Variants in EBF1 observed in about 807,000 individuals in gnomAD.
EBF1 encodes the protein transcription factor COE1.
In EBF1, 10 loss-of-function variants were observed where a neutral mutation model predicts 68.4. That is an observed-to-expected ratio of 0.15 (90% confidence interval 0.09 to 0.25). The LOEUF is 0.25. EBF1 is among the 10% of genes least tolerant of loss of function. EBF1 has a pLI of 1.00. For missense variants in EBF1, 509 were observed against 794.4 expected (o/e 0.64, Z 4.32); for synonymous variants, 298 against 299.8 (o/e 0.99, Z 0.06).
chr5:159,074,428 G>A (rs1410938566), intron 5 of EBF1, among the ~76,000 whole-genome samples: 2 of 152,166 alleles, frequency 1.3e-5, no homozygotes, highest in African/African-American at 2.4e-5. Context: ...GGGGAGGGAG[G>A]TCCTCCAAAA....
At chr5:159,025,337 GAA>G (rs1767494316) in intron 6 of EBF1, among the ~76,000 whole-genome samples, 1 of 152,210 alleles carries the variant, frequency 6.6e-6, no homozygotes, top group Non-Finnish European at 1.5e-5. Context: ...CTTCCAGAGA[GAA>G]AAGGGGGCTG....
At chr5:158,711,631 A>G (rs2127485997) in intron 14 of EBF1, among the ~76,000 whole-genome samples, 1 of 152,226 alleles carries the variant, frequency 6.6e-6, no homozygotes, top group East Asian at 1.9e-4. Context: ...TAAGTAGATG[A>G]CAAATATGGT....
intron 9 of EBF1, among the ~76,000 whole-genome samples, chr5:158,794,177 C>T (rs1311509118): frequency 6.6e-6 from 1 of 152,146 alleles, no homozygotes; most frequent in Non-Finnish European, 1.5e-5. Flanking sequence ...ATGCATCCTC[C>T]ACCCTCAGCT....
chr5:158,785,313 A>G (rs1366960679), intron 9 of EBF1, among the ~76,000 whole-genome samples: 1 of 152,196 alleles, frequency 6.6e-6, no homozygotes, highest in East Asian at 1.9e-4. Flanking sequence ...CATTTAAAAT[A>G]TATTATTTTC....
chr5:158,733,787 G>A (rs1028927554), intron 10 of EBF1, among the ~76,000 whole-genome samples: 9 of 152,156 alleles, frequency 5.9e-5, no homozygotes, highest in Admixed American at 2.0e-4. Flanking sequence ...CAATGGAATC[G>A]TCCAGTGCTG....
At chr5:158,707,710 C>T (rs938009999) in intron 15 of EBF1, 1 of 454,960 alleles carries the variant, frequency 2.2e-6, no homozygotes, top group African/African-American at 1.9e-5. Context: ...AAACAGTATT[C>T]CCAAGCAAAT....
chr5:158,728,534 T>A (rs1763447758), intron 11 of EBF1, among the ~76,000 whole-genome samples: 1 of 152,204 alleles, frequency 6.6e-6, no homozygotes, highest in African/African-American at 2.4e-5. Context: ...CTGTCTGGTT[T>A]CCGTAGACCT....
intron 6 of EBF1, among the ~76,000 whole-genome samples, chr5:158,860,775 G>A (rs576741482): frequency 2.0e-5 from 3 of 152,104 alleles, no homozygotes; most frequent in Non-Finnish European, 4.4e-5. Flanking sequence ...GGCGCATCTT[G>A]CGTCTCTGTT....
At chr5:158,852,618 T>C (rs1488951424) in intron 6 of EBF1, among the ~76,000 whole-genome samples, 1 of 152,244 alleles carries the variant, frequency 6.6e-6, no homozygotes, top group Non-Finnish European at 1.5e-5. Flanking sequence ...TATTCTAGTC[T>C]ATATTATAGA....
At chr5:158,905,459 C>T (rs746357495) in intron 6 of EBF1, among the ~76,000 whole-genome samples, 56 of 152,170 alleles carry the variant, frequency 3.7e-4, no homozygotes, top group Non-Finnish European at 7.1e-4. Flanking sequence ...TGCGATAGCA[C>T]TGGATGAGGA....
chr5:158,831,514 A>C (rs184530246), intron 7 of EBF1, among the ~76,000 whole-genome samples: 1 of 152,178 alleles, frequency 6.6e-6, no homozygotes, highest in African/African-American at 2.4e-5. Context: ...GAGTCAGACA[A>C]TAAGTAAGCA....
intron 13 of EBF1, among the ~76,000 whole-genome samples, 168 bp downstream of exon 13, chr5:158,712,802 C>G (rs1186045208): frequency 6.6e-6 from 1 of 152,116 alleles, no homozygotes; most frequent in South Asian, 2.1e-4. Context: ...TTAGATTACC[C>G]GAATGATAGC....
At chr5:158,909,914 A>G (rs13180189) in intron 6 of EBF1, among the ~76,000 whole-genome samples, 102,970 of 141,972 alleles carry the variant, frequency 0.73, 37,412 homozygotes, top group South Asian at 0.88. Flanking sequence ...CCGAGATTGC[A>G]CCACTGCACT....
intron 10 of EBF1, among the ~76,000 whole-genome samples, chr5:158,755,865 T>C (rs2127600986): frequency 6.6e-6 from 1 of 152,230 alleles, no homozygotes; most frequent in Non-Finnish European, 1.5e-5. Flanking sequence ...ATTCAAAACA[T>C]AGTTTGGTGA....
At chr5:158,812,566 G>A (rs754434949) in intron 8 of EBF1, among the ~76,000 whole-genome samples, 2 of 152,110 alleles carry the variant, frequency 1.3e-5, no homozygotes, top group Non-Finnish European at 2.9e-5. Context: ...ACCCCCTTCC[G>A]GAGGTACCAG....
In EBF1 at chr5:159,065,246, T is replaced by G. The variant is rs80189472; in HGVS notation, c.554+8150A>C. Among the ~76,000 whole-genome samples, 102 of 152,262 alleles carry G rather than the reference T, an allele frequency of 6.7e-4. No homozygotes were observed. In the East Asian group the frequency reaches 0.016, roughly 24 times the overall value. ...GAGCTTTAGTCAAATCATGGTTGCT[T>G]CAGGAAGGTGGAGGAGGGAACAACC... is the stretch of plus-strand genomic sequence containing the variant. On this transcript the variant is annotated intron_variant, in intron 6 of 15. Transcript: ENST00000313708.
chr5:158,796,815 AT>A (rs1359961770), intron 8 of EBF1, among the ~76,000 whole-genome samples: 3 of 152,184 alleles, frequency 2.0e-5, no homozygotes, highest in Non-Finnish European at 4.4e-5. Flanking sequence ...TCTGGAATAT[AT>A]TGGAAACCTT....
chr5:158,971,459 C>A (rs1255922234), intron 6 of EBF1, among the ~76,000 whole-genome samples: 2 of 152,168 alleles, frequency 1.3e-5, no homozygotes, highest in African/African-American at 4.8e-5. Flanking sequence ...AGGCCCTGGA[C>A]CCAGCAGTAC....
At chr5:158,744,242 G>T (rs1413642237) in intron 10 of EBF1, among the ~76,000 whole-genome samples, 2 of 151,978 alleles carry the variant, frequency 1.3e-5, no homozygotes, top group African/African-American at 2.4e-5. Context: ...AAAACCACAT[G>T]TGAAAAGAGA....
Sources: gnomAD v4.1 joint callset for allele counts (sites outside exome capture counted in the v4.1 genomes callset) on GRCh38, gnomAD v4.1.1 for gene constraint, MANE v1.5 for transcripts, NCBI Gene and HGNC (gene_info 2026-07-23, HGNC 2026-07-21) for gene names.